ABCA8: variants seen among roughly 807,000 people sequenced by gnomAD.
ABCA8 encodes ATP binding cassette subfamily A member 8, also known as ABC-type organic anion transporter ABCA8.
In ABCA8, 177 loss-of-function variants were observed where a neutral mutation model predicts 192.3. That is an observed-to-expected ratio of 0.92 (90% CI 0.81 to 1.04). ABCA8 has a LOEUF of 1.04. ABCA8 is among the 50% of genes least tolerant of loss of function. The pLI is 0.00. For missense variants in ABCA8, 1,915 were observed against 1,904.8 expected, an observed-to-expected ratio of 1.01 and a Z score of -0.10; for synonymous variants, 642 against 690.2, an observed-to-expected ratio of 0.93 and a Z score of 1.09.
intron 12 of ABCA8, 48 bp downstream of exon 12, chr17:68,922,189 TCTCTC>T: frequency 2.6e-6 from 2 of 755,150 alleles, no homozygotes; most frequent in East Asian, 5.6e-5. Flanking sequence ...TTTCTTTCTC[TCTCTC>T]TTTTTTTTTT....
In ABCA8 at chr17:68,894,370, G is replaced by C. The variant is rs2066695198; in HGVS notation, c.2899-60C>G. On this transcript the variant is annotated intron_variant, in intron 22 of 39. Transcript: ENST00000586539. ...TATCTTCATTTTGTTCTCTAAAAAA[G>C]TCAAAATTTGACATGTTAAATTAAG... The C allele has an allele frequency of 6.2e-6, 9 of 1,441,494 alleles. No homozygotes were observed. The South Asian group carries it at 1.2e-4, about 20-fold the overall frequency. 89.3% of individuals were successfully genotyped at this position (1,441,494 alleles called of 1,614,324 possible).
chr17:68,941,950 C>T lies in ABCA8; in HGVS notation c.85G>A (p.Glu29Lys), dbSNP rs1488697711. The change falls in exon 3 of 40, where the codon GAG becomes AAG. Residue 29 changes from glutamate to lysine, a missense_variant. Transcript: ENST00000586539. ...NFLKKWRMKR[E>K]SLMEWLNSLL... ...ATATTGAGTCATACCATTAAGGACTCTCTTTTCATTCTCCATTTTTTAAGA... is the reference window on the plus strand; with the variant it reads ...ATATTGAGTCATACCATTAAGGACTTTCTTTTCATTCTCCATTTTTTAAGA... 6.2e-7 allele frequency: 1 copy of T among 1,607,956 alleles called. No individual in the cohort carries two copies. Among genetic ancestry groups the T allele is most frequent in the South Asian group, 1.1e-5 (1 of 90,796 alleles).
chr17:68,910,933 G>C (rs1596314), intron 17 of ABCA8, among the ~76,000 whole-genome samples: 103,873 of 152,106 alleles, frequency 0.68, 36,361 homozygotes, highest in African/African-American at 0.85. Flanking sequence ...TAAACACCAG[G>C]AGTAGCCAGG....
In ABCA8 at chr17:68,920,793, G is replaced by A. The variant is rs972332535; in HGVS notation, c.1612+589C>T. 2.6e-5 allele frequency among the ~76,000 whole-genome samples: 4 copies of A among 152,130 alleles called. 1 individual carries two copies. Among genetic ancestry groups the A allele is most frequent in the African/African-American group, 9.6e-5 (4 of 41,524 alleles). Reference sequence around the variant, plus strand: ...CAACCATTGTGGAAGTCAGTGTGGCGATTCCTCAGGGATCTAGAACTAGAA... The same window carrying A: ...CAACCATTGTGGAAGTCAGTGTGGCAATTCCTCAGGGATCTAGAACTAGAA... On this transcript the variant is annotated intron_variant, in intron 13 of 39. Transcript: ENST00000586539.
intron 5 of ABCA8, among the ~76,000 whole-genome samples, chr17:68,935,684 A>AT (rs574006398): frequency 4.6e-5 from 7 of 150,706 alleles, no homozygotes; most frequent in East Asian, 3.9e-4. Flanking sequence ...AAATATAATG[A>AT]TTTTTTTTCC....
chr17:68,931,247 C>A (rs888413977), intron 7 of ABCA8, among the ~76,000 whole-genome samples: 1 of 152,214 alleles, frequency 6.6e-6, no homozygotes, highest in African/African-American at 2.4e-5. Flanking sequence ...TAACCCCAAT[C>A]TTCTTCCTTA....
intron 2 of ABCA8, among the ~76,000 whole-genome samples, chr17:68,948,343 C>T (rs551573509): frequency 2.3e-4 from 35 of 152,264 alleles, no homozygotes; most frequent in African/African-American, 7.2e-4. Context: ...AATGGTTGAA[C>T]TAATTTACAC....
At chr17:68,872,670 C>T (rs1055982211) in intron 37 of ABCA8, among the ~76,000 whole-genome samples, 2 of 151,866 alleles carry the variant, frequency 1.3e-5, no homozygotes, top group Non-Finnish European at 2.9e-5. Flanking sequence ...TGTGTCATTG[C>T]CCCGAAGACC....
intron 18 of ABCA8, among the ~76,000 whole-genome samples, 187 bp from the exon 19 acceptor site, chr17:68,906,350 CAT>C (rs111802254): frequency 0.011 from 1,722 of 152,228 alleles, 40 homozygotes; most frequent in African/African-American, 0.039. Flanking sequence ...TATTTTACAT[CAT>C]GTGTTACAAC....
chr17:68,922,306 AAAAAG>A lies in ABCA8; in HGVS notation c.1443-11_1443-7del, dbSNP rs1437061520. The A allele has an allele frequency of 1.5e-6, 2 of 1,313,426 alleles. No individual in the cohort carries two copies. The highest frequency in any genetic ancestry group is 1.4e-5 in the South Asian group (1 of 69,282). 81.4% of individuals were successfully genotyped at this position (1,313,426 alleles called of 1,614,324 possible). A position where few individuals can be genotyped will look rare whatever the true frequency, so the allele number is the denominator to read the frequency against. The stretch of plus-strand genomic sequence containing the variant: ...CTTTTGTAACATTTCTGATTCTGAA[AAAAAG>A]AAAAGATACTTCAAAGTGACAATTT... On this transcript the variant is annotated splice_polypyrimidine_tract_variant and splice_region_variant and intron_variant, in intron 11 of 39. Coordinates refer to ENST00000586539, the MANE Select transcript of ABCA8 (RefSeq NM_001288985.2).
chr17:68,934,700 GAGTTATA>G lies in ABCA8; in HGVS notation c.467-1436_467-1430del, dbSNP rs138899258. Among the ~76,000 whole-genome samples the G allele has an allele frequency of 2.5e-3, 374 of 152,256 alleles. 4 individuals are homozygous for G. Among genetic ancestry groups the G allele is most frequent in the Admixed American group, 0.013 (200 of 15,296 alleles). Reference sequence around the variant, plus strand: ...TCACTAATAAGATTTCTATGATGATGAGTTATAAGTTATGTGCACTTCAACTTTAAGA... The same window carrying G: ...TCACTAATAAGATTTCTATGATGATGAGTTATGTGCACTTCAACTTTAAGA... On this transcript the variant is annotated intron_variant, in intron 5 of 39. Coordinates refer to ENST00000586539, the MANE Select transcript of ABCA8 (RefSeq NM_001288985.2).
chr17:68,922,225 T>TAAC lies in ABCA8; in HGVS notation c.1501+16_1501+17insGTT. On this transcript the variant is annotated intron_variant, in intron 12 of 39. Transcript: ENST00000586539. ...TTTTTTTTTTTTTTTTTTTTTTTTT[T>TAAC]TTTTTTTTTTTTTTACCTTTCAAGG... is the stretch of plus-strand genomic sequence containing the variant. 6 of 477,304 alleles carry TAAC rather than the reference T, an allele frequency of 1.3e-5. No individual in the cohort carries two copies. The highest frequency in any genetic ancestry group is 1.8e-5 in the Non-Finnish European group (6 of 332,690). The allele number at this position is 477,304 out of a possible 1,614,324, so 29.6% of individuals were successfully genotyped here. A position where few individuals can be genotyped will look rare whatever the true frequency, so the allele number is the denominator to read the frequency against.
At chr17:68,895,825 T>A (rs1432368130) in intron 21 of ABCA8, among the ~76,000 whole-genome samples, 1 of 152,128 alleles carries the variant, frequency 6.6e-6, no homozygotes, top group Non-Finnish European at 1.5e-5. Context: ...GTTCTCTTCC[T>A]CCACCCATTC....
At chr17:68,914,764 A>G (rs547349182) in intron 17 of ABCA8, among the ~76,000 whole-genome samples, 7 of 152,184 alleles carry the variant, frequency 4.6e-5, no homozygotes, top group Non-Finnish European at 8.8e-5. Context: ...AATACCAATG[A>G]CATTCTTCAC....
chr17:68,890,202 C>T (rs1421811040), intron 24 of ABCA8, among the ~76,000 whole-genome samples: 6 of 152,188 alleles, frequency 3.9e-5, no homozygotes, highest in Admixed American at 3.9e-4. Context: ...TCTCCACATC[C>T]TCATAAACTC....
chr17:68,893,320 G>T, intron 23 of ABCA8, among the ~76,000 whole-genome samples: 1 of 152,122 alleles, frequency 6.6e-6, no homozygotes, highest in East Asian at 1.9e-4. Flanking sequence ...AGTTATTCTG[G>T]TTCTAAACTT....
At chr17:68,910,428 T>C (rs1168113055) in intron 17 of ABCA8, among the ~76,000 whole-genome samples, 2 of 152,150 alleles carry the variant, frequency 1.3e-5, no homozygotes, top group Non-Finnish European at 2.9e-5. Flanking sequence ...AGGGAGCATT[T>C]AGACCAGCCT....
At chr17:68,922,441 A>AGAGTGAAGACC in intron 11 of ABCA8, 141 bp from the exon 12 acceptor site, 1 of 578,430 alleles carries the variant, frequency 1.7e-6, no homozygotes. Context: ...TAGCTGTGTG[A>AGAGTGAAGACC]CAGAATCAGC....
rs751110025 is a variant in ABCA8, at chr17:68,882,735, T to G, written c.3708-16A>C. On this transcript the variant is annotated splice_polypyrimidine_tract_variant and intron_variant, in intron 29 of 39. Coordinates refer to ENST00000586539, the MANE Select transcript of ABCA8 (RefSeq NM_001288985.2). ...TGGAGAAATTCTAGAGTCAAAACCA[T>G]CCATTAATATTGATTTCTGGCTTTC... 1 of 1,602,766 alleles carries G rather than the reference T, an allele frequency of 6.2e-7. No individual in the cohort carries two copies. The highest frequency in any genetic ancestry group is 1.7e-5 in the Admixed American group (1 of 57,618).
Sources: gnomAD v4.1 joint callset for allele counts (sites outside exome capture counted in the v4.1 genomes callset) on GRCh38, gnomAD v4.1.1 for gene constraint, MANE v1.5 for transcripts, NCBI Gene and HGNC (gene_info 2026-07-23, HGNC 2026-07-21) for gene names.